The following LMNB1 variants were observed in gnomAD, a reference collection of about 807,000 sequenced individuals.
LMNB1 encodes the protein lamin B1, also known as lamin-B1.
Under a neutral mutation model 67.1 loss-of-function variants are expected in LMNB1, and 23 were observed. The observed-to-expected ratio is 0.34, with a 90% CI of 0.25 to 0.49. The LOEUF is 0.49. Among genes scored for constraint, LMNB1 ranks in the 20% least tolerant of loss-of-function variants. LMNB1 has a pLI of 0.99. For missense variants in LMNB1, 634 were observed against 746.5 expected, an observed-to-expected ratio of 0.85 and a Z score of 1.76; for synonymous variants, 281 against 282.9, an observed-to-expected ratio of 0.99 and a Z score of 0.07.
rs532665796 is a variant in LMNB1 at position 126,834,631 on chromosome 5, C to T, written c.1720-1592C>T. 2.6e-5 allele frequency among the ~76,000 whole-genome samples: 4 copies of T among 152,314 alleles called. No individual in the cohort carries two copies. In the South Asian group the frequency reaches 8.3e-4, roughly 32 times the overall value. On this transcript the variant is annotated intron_variant, in intron 10 of 10. Transcript: ENST00000261366. ...GGCACGGTGGCTTACGCCTGTAATC[C>T]CAGCAGTTTGGGAGGCAGGCAGATC...
chr5:126,807,935 G>A (rs1245090125), intron 3 of LMNB1, among the ~76,000 whole-genome samples: 2 of 151,962 alleles, frequency 1.3e-5, no homozygotes, highest in East Asian at 3.8e-4. Flanking sequence ...GCAGTAGTAC[G>A]ATCTTGGCTC....
chr5:126,799,025 T>G (rs969345998), intron 1 of LMNB1, among the ~76,000 whole-genome samples: 2 of 151,184 alleles, frequency 1.3e-5, no homozygotes, highest in African/African-American at 4.9e-5. Flanking sequence ...ATTGACTTTT[T>G]TTTTTTTTTT....
At chr5:126,822,643 A>G (rs962040024) in intron 7 of LMNB1, 138 bp from the exon 8 acceptor site, 2 of 548,256 alleles carry the variant, frequency 3.6e-6, no homozygotes, top group African/African-American at 3.9e-5. Context: ...TTCTTTTTAT[A>G]GTAGGAAAAC....
At chr5:126,791,216 G>C (rs6595738) in intron 1 of LMNB1, among the ~76,000 whole-genome samples, 31,179 of 150,292 alleles carry the variant, frequency 0.21, 3,371 homozygotes, top group East Asian at 0.31. Context: ...CCATTGTGTT[G>C]ATCATCTGAT....
chr5:126,779,547 A>G (rs1019911330), intron 1 of LMNB1, among the ~76,000 whole-genome samples: 1 of 152,338 alleles, frequency 6.6e-6, no homozygotes, highest in Admixed American at 6.5e-5. Context: ...AAACATCAGG[A>G]CCAACTGTGT....
intron 1 of LMNB1, among the ~76,000 whole-genome samples, chr5:126,802,014 A>G (rs1751298393): frequency 6.6e-6 from 1 of 152,212 alleles, no homozygotes; most frequent in Admixed American, 6.5e-5. Flanking sequence ...GTGTCAGTTC[A>G]TTCCTGTGGA....
At chr5:126,797,065 A>G (rs1452328910) in intron 1 of LMNB1, among the ~76,000 whole-genome samples, 3 of 152,182 alleles carry the variant, frequency 2.0e-5, no homozygotes, top group Admixed American at 6.5e-5. Context: ...CTGGGATTAC[A>G]AGAGTGAGCC....
Position 126,777,556 on chromosome 5 carries a change from C to CGGCCCCACCACGCCGCTG in LMNB1, c.49_66dup (p.Gly17_Leu22dup). ...CGCCGCGGATGGGCAGCCGCGCTGG[C>CGGCCCCACCACGCCGCTG]GGCCCCACCACGCCGCTGAGCCCCA... On this transcript the variant is annotated inframe_insertion, in exon 1 of 11. Transcript: ENST00000261366. 2 of 1,453,816 alleles carry CGGCCCCACCACGCCGCTG rather than the reference C, an allele frequency of 1.4e-6. No homozygotes were observed. The highest frequency in any genetic ancestry group is 3.0e-5 in the East Asian group (1 of 32,922). 90.1% of individuals were successfully genotyped at this position (1,453,816 alleles called of 1,614,324 possible).
rs761828812 is a variant in LMNB1, at chr5:126,832,748, G to A, written c.1666G>A (p.Glu556Lys). 1 of 1,613,224 alleles carries A rather than the reference G, an allele frequency of 6.2e-7. No individual in the cohort carries two copies. The highest frequency in any genetic ancestry group is 2.2e-5 in the East Asian group (1 of 44,836). The stretch of plus-strand genomic sequence containing the variant: ...AACAACCATACCTGAAGAAGAGGAG[G>A]AGGAGGAAGAAGCAGCTGGAGTGGT... Reference protein sequence around the residue: ...FKTTIPEEEEEEEEAAGVVVE... With the variant: ...FKTTIPEEEEKEEEAAGVVVE... The change falls in exon 10 of 11, where the codon GAG becomes AAG. Residue 556 changes from glutamate to lysine, a missense_variant. Physicochemically the swap from Glu to Lys is moderately conservative, Grantham distance 56. Coordinates refer to ENST00000261366, the MANE Select transcript of LMNB1 (RefSeq NM_005573.4).
chr5:126,793,558 G>C (rs1751017737), intron 1 of LMNB1, among the ~76,000 whole-genome samples: 2 of 152,126 alleles, frequency 1.3e-5, no homozygotes, highest in Admixed American at 1.3e-4. Flanking sequence ...GCATATGCCA[G>C]AGGAGACCCT....
intron 5 of LMNB1, among the ~76,000 whole-genome samples, chr5:126,812,767 G>A (rs1411620171): frequency 8.1e-6 from 1 of 123,662 alleles, no homozygotes; most frequent in African/African-American, 3.2e-5. Flanking sequence ...GTCTCACTCT[G>A]TCGCCCAGGC....
At chr5:126,818,413 T>G (rs967840539) in intron 5 of LMNB1, among the ~76,000 whole-genome samples, 3 of 151,990 alleles carry the variant, frequency 2.0e-5, no homozygotes, top group Non-Finnish European at 4.4e-5. Flanking sequence ...TAATTTTTTT[T>G]GTATTTTTAG....
At chr5:126,792,913 G>A (rs930539773) in intron 1 of LMNB1, among the ~76,000 whole-genome samples, 1 of 152,204 alleles carries the variant, frequency 6.6e-6, no homozygotes, top group Non-Finnish European at 1.5e-5. Context: ...AACAATATGA[G>A]ATGTAGGTGC....
intron 1 of LMNB1, among the ~76,000 whole-genome samples, chr5:126,803,895 T>C (rs1751349865): frequency 6.6e-6 from 1 of 152,126 alleles, no homozygotes; most frequent in Non-Finnish European, 1.5e-5. Context: ...ACTGAAATAA[T>C]TTTTATGCAA....
At position 126,777,797 on chromosome 5, in the gene LMNB1, G is replaced by T; in HGVS notation, c.289G>T (p.Ala97Ser). The part of the protein sequence containing the change: ...ADARRALDDT[A>S]RERAKLQIEL... ...CGCGCGACGCGCGCTCGACGACACG[G>T]CCCGCGAGCGCGCCAAGCTGCAGAT... Residue 97 changes from alanine (A) to serine (S), a missense_variant, in exon 1 of 11, where the codon GCC becomes TCC. Transcript: ENST00000261366. 6.7e-7 allele frequency: 1 copy of T among 1,493,694 alleles called. No homozygotes were observed. Among genetic ancestry groups the T allele is most frequent in the South Asian group, 1.3e-5 (1 of 77,862 alleles). The allele number at this position is 1,493,694 out of a possible 1,614,324, so 92.5% of individuals were successfully genotyped here.
At chr5:126,818,149 C>T (rs1751759353) in intron 5 of LMNB1, among the ~76,000 whole-genome samples, 1 of 152,034 alleles carries the variant, frequency 6.6e-6, no homozygotes, top group African/African-American at 2.4e-5. Context: ...ACCAGAGTCC[C>T]TTTGCCTTGG....
intron 1 of LMNB1, among the ~76,000 whole-genome samples, chr5:126,804,563 G>T (rs1283559024): frequency 6.6e-6 from 1 of 152,088 alleles, no homozygotes; most frequent in Non-Finnish European, 1.5e-5. Context: ...GGACGTCTTT[G>T]ACCCATAGTT....
chr5:126,828,398 A>C (rs1490603489), intron 9 of LMNB1, among the ~76,000 whole-genome samples: 1 of 152,194 alleles, frequency 6.6e-6, no homozygotes, highest in Non-Finnish European at 1.5e-5. Context: ...AAATGCCCCA[A>C]AAAATAGATA....
rs376356222 is a variant in LMNB1, at chr5:126,805,710, A to G, written c.642+14A>G. Reference sequence around the variant, plus strand: ...ATGTATGAAGAGGTAACTATATATAATTTTGCTTTGTAAAGGAATGGAGGG... The same window carrying G: ...ATGTATGAAGAGGTAACTATATATAGTTTTGCTTTGTAAAGGAATGGAGGG... On this transcript the variant is annotated intron_variant, in intron 3 of 10. Transcript: ENST00000261366. 1 of 1,587,432 alleles carries G rather than the reference A, an allele frequency of 6.3e-7. No individual in the cohort carries two copies. The highest frequency in any genetic ancestry group is 8.6e-7 in the Non-Finnish European group (1 of 1,166,220).
Sources: gnomAD v4.1 joint callset for allele counts (sites outside exome capture counted in the v4.1 genomes callset) on GRCh38, gnomAD v4.1.1 for gene constraint, MANE v1.5 for transcripts, NCBI Gene and HGNC (gene_info 2026-07-23, HGNC 2026-07-21) for gene names.